The following ACOXL variants were observed in gnomAD, a reference collection of about 807,000 sequenced individuals.
ACOXL encodes acyl-coenzyme A oxidase-like protein.
In ACOXL, 70 loss-of-function variants were observed where a neutral mutation model predicts 71.9. That is an observed-to-expected ratio of 0.97 (90% CI 0.80 to 1.19). The LOEUF is 1.19. Among genes scored for constraint, ACOXL ranks in the 50% most tolerant of loss-of-function variants. The pLI is 0.00. For missense variants in ACOXL, 703 were observed against 736.3 expected (o/e 0.95, Z 0.52); for synonymous variants, 253 against 281.6 (o/e 0.90, Z 1.02).
At chr2:110,904,534 G>A (rs1361878224) in intron 10 of ACOXL, among the ~76,000 whole-genome samples, 1 of 152,208 alleles carries the variant, frequency 6.6e-6, no homozygotes, top group African/African-American at 2.4e-5. Context: ...TGAGTCCAGT[G>A]ACAGGTGCTG....
At chr2:110,756,833 T>A (rs1679762197) in intron 1 of ACOXL, among the ~76,000 whole-genome samples, 1 of 152,216 alleles carries the variant, frequency 6.6e-6, no homozygotes, top group Non-Finnish European at 1.5e-5. Flanking sequence ...TTGAGTTACT[T>A]AAGGCCTTAT....
chr2:110,923,291 T>A (rs950911575), intron 11 of ACOXL, among the ~76,000 whole-genome samples: 1 of 152,206 alleles, frequency 6.6e-6, no homozygotes, highest in Non-Finnish European at 1.5e-5. Flanking sequence ...TGCTGACTAC[T>A]TCCCCCCAAC....
At chr2:111,067,997 T>C (rs2067153862) in intron 16 of ACOXL, among the ~76,000 whole-genome samples, 1 of 152,016 alleles carries the variant, frequency 6.6e-6, no homozygotes, top group Non-Finnish European at 1.5e-5. Context: ...TCTTGGACTG[T>C]TGGGAGAATA....
chr2:110,787,533 CAAAAAAAA>C (rs1175271772), intron 3 of ACOXL, among the ~76,000 whole-genome samples: 4 of 53,638 alleles, frequency 7.5e-5, no homozygotes, highest in Non-Finnish European at 1.5e-4. Context: ...GACTCCGTCT[CAAAAAAAA>C]AAAAAAAAAA....
intron 2 of ACOXL, among the ~76,000 whole-genome samples, chr2:110,776,114 T>C (rs77914283): frequency 0.014 from 2,125 of 152,262 alleles, 61 homozygotes; most frequent in African/African-American, 0.049. Context: ...TTTTAATACA[T>C]GCTATAACAC....
At chr2:110,879,965 G>T (rs559929827) in intron 10 of ACOXL, among the ~76,000 whole-genome samples, 4 of 151,930 alleles carry the variant, frequency 2.6e-5, no homozygotes, top group Non-Finnish European at 4.4e-5. Flanking sequence ...GGCCAACATG[G>T]TGAAACCCCG....
intron 14 of ACOXL, among the ~76,000 whole-genome samples, chr2:111,003,550 C>CAAAAAAAAAAAAAAAAAAAAAAAAAAAAA (rs548001377): frequency 2.8e-5 from 1 of 35,338 alleles, no homozygotes. Flanking sequence ...GACTCTGTCT[C>CAAAAAAAAAAAAAAAAAAAAAAAAAAAAA]AAAAAAAAAA....
chr2:110,899,801 A>G (rs1558695717), intron 10 of ACOXL, among the ~76,000 whole-genome samples: 1 of 152,144 alleles, frequency 6.6e-6, no homozygotes, highest in African/African-American at 2.4e-5. Flanking sequence ...ACTCACAGAT[A>G]TTGCTAAGGC....
chr2:110,859,893 C>A (rs1043290681), intron 10 of ACOXL, among the ~76,000 whole-genome samples: 1 of 152,122 alleles, frequency 6.6e-6, no homozygotes, highest in Admixed American at 6.5e-5. Flanking sequence ...AGAGAGGAGG[C>A]GGCTTCTAGA....
At chr2:110,881,048 A>T (rs1212654791) in intron 10 of ACOXL, among the ~76,000 whole-genome samples, 2 of 152,126 alleles carry the variant, frequency 1.3e-5, no homozygotes, top group African/African-American at 4.8e-5. Flanking sequence ...TTTTGAGATC[A>T]TTAGAAGATT....
chr2:111,001,602 C>T (rs955665069), intron 14 of ACOXL, among the ~76,000 whole-genome samples: 1 of 152,136 alleles, frequency 6.6e-6, no homozygotes, highest in African/African-American at 2.4e-5. Flanking sequence ...TTTATATGGA[C>T]CACTGATTCC....
At chr2:110,963,146 T>C (rs566384672) in intron 12 of ACOXL, among the ~76,000 whole-genome samples, 16 of 152,318 alleles carry the variant, frequency 1.1e-4, no homozygotes, top group Non-Finnish European at 2.1e-4. Flanking sequence ...TTTAATGATA[T>C]TAAGATGCAG....
At chr2:110,988,628 C>T (rs777090008) in intron 13 of ACOXL, among the ~76,000 whole-genome samples, 2 of 152,016 alleles carry the variant, frequency 1.3e-5, no homozygotes, top group African/African-American at 2.4e-5. Context: ...TAAATTTACA[C>T]CCCCATTAGC....
intron 12 of ACOXL, among the ~76,000 whole-genome samples, chr2:110,957,863 C>A (rs1444365501): frequency 6.6e-6 from 1 of 151,794 alleles, no homozygotes; most frequent in Non-Finnish European, 1.5e-5. Context: ...TCCAGACCAG[C>A]CTGGCCAACA....
At chr2:110,887,118 A>C (rs889073998) in intron 10 of ACOXL, 5 of 388,074 alleles carry the variant, frequency 1.3e-5, no homozygotes, top group African/African-American at 1.0e-4. Context: ...GGGTGGAAAA[A>C]CTCTGATCTG....
intron 3 of ACOXL, among the ~76,000 whole-genome samples, chr2:110,790,354 C>T (rs1028435739): frequency 2.0e-5 from 3 of 152,192 alleles, no homozygotes; most frequent in African/African-American, 7.2e-5. Context: ...ATAGCCCCAT[C>T]CTTTGGTCCC....
chr2:110,937,748 A>G (rs966339743), intron 12 of ACOXL, among the ~76,000 whole-genome samples: 1 of 152,200 alleles, frequency 6.6e-6, no homozygotes, highest in African/African-American at 2.4e-5. Context: ...TGCTTCAAAA[A>G]AATATATTTC....
intron 12 of ACOXL, among the ~76,000 whole-genome samples, chr2:110,947,528 T>G (rs1343772611): frequency 6.6e-6 from 1 of 152,212 alleles, no homozygotes; most frequent in African/African-American, 2.4e-5. Context: ...ATGGTAGATA[T>G]TCAATAAAAC....
chr2:111,062,842 G>A (rs1286615299), intron 16 of ACOXL, among the ~76,000 whole-genome samples: 1 of 151,984 alleles, frequency 6.6e-6, no homozygotes, highest in Non-Finnish European at 1.5e-5. Flanking sequence ...ATTGAAAACA[G>A]AAAAATAATA....
Sources: allele counts gnomAD v4.1 joint callset (sites outside exome capture counted in the v4.1 genomes callset), GRCh38; gene constraint gnomAD v4.1.1; transcripts MANE v1.5; gene names NCBI Gene and HGNC (gene_info 2026-07-23, HGNC 2026-07-21).